Variants in NRG3 observed in about 807,000 individuals in gnomAD.
NRG3 encodes the protein neuregulin 3.
NRG3 carries 31 observed loss-of-function variants against 66.9 expected under a neutral mutation model. The observed-to-expected ratio is 0.46, with a 90% CI of 0.35 to 0.63. The LOEUF (loss-of-function observed/expected upper bound fraction) is 0.63. Ranked by LOEUF, NRG3 falls within the 20% of genes least tolerant of loss-of-function variation. The pLI is 0.00. For synonymous variants in NRG3, 393 were observed against 359.4 expected (o/e 1.09, Z -1.06); for missense variants, 910 against 878.9 (o/e 1.04, Z -0.45).
At chr10:82,416,177 T>A (rs2088556080) in intron 2 of NRG3, among the ~76,000 whole-genome samples, 1 of 152,314 alleles carries the variant, frequency 6.6e-6, no homozygotes, top group South Asian at 2.1e-4. Context: ...CTGTAAAACA[T>A]ACCTTTCAAG....
chr10:81,964,982 C>A (rs987290913), intron 1 of NRG3, among the ~76,000 whole-genome samples: 1 of 151,974 alleles, frequency 6.6e-6, no homozygotes, highest in Non-Finnish European at 1.5e-5. Flanking sequence ...ATTCTTGGGC[C>A]CAAACATATT....
intron 6 of NRG3, among the ~76,000 whole-genome samples, chr10:82,966,152 C>A (rs1851188666): frequency 6.6e-6 from 1 of 152,130 alleles, no homozygotes; most frequent in Non-Finnish European, 1.5e-5. Flanking sequence ...GCATTATTAT[C>A]CATAAAATCC....
At chr10:82,375,304 G>A (rs1340683344) in intron 2 of NRG3, among the ~76,000 whole-genome samples, 3 of 152,096 alleles carry the variant, frequency 2.0e-5, no homozygotes, top group Non-Finnish European at 2.9e-5. Context: ...TTGGGAGGCC[G>A]AGGCGGGCGG....
intron 2 of NRG3, among the ~76,000 whole-genome samples, chr10:82,427,630 A>T (rs1180846649): frequency 6.6e-6 from 1 of 152,112 alleles, no homozygotes; most frequent in East Asian, 1.9e-4. Context: ...TTCAGAAGGA[A>T]TATTGGTTCG....
At chr10:82,241,208 A>T (rs1054863435) in intron 1 of NRG3, among the ~76,000 whole-genome samples, 1 of 152,192 alleles carries the variant, frequency 6.6e-6, no homozygotes, top group African/African-American at 2.4e-5. Context: ...TAAAATGTAT[A>T]AAAATATCCC....
intron 2 of NRG3, among the ~76,000 whole-genome samples, chr10:82,641,887 G>A (rs1446817172): frequency 1.3e-5 from 2 of 152,048 alleles, no homozygotes; most frequent in Non-Finnish European, 1.5e-5. Flanking sequence ...TTGTTACATG[G>A]ATAGATCATG....
At chr10:82,144,890 A>G (rs2070131236) in intron 1 of NRG3, among the ~76,000 whole-genome samples, 1 of 152,238 alleles carries the variant, frequency 6.6e-6, no homozygotes, top group South Asian at 2.1e-4. Flanking sequence ...AAGCTGGCTT[A>G]TGATAAATGC....
intron 4 of NRG3, among the ~76,000 whole-genome samples, chr10:82,949,082 G>C (rs936496914): frequency 3.3e-5 from 5 of 151,982 alleles, no homozygotes; most frequent in African/African-American, 1.2e-4. Context: ...TCTAGGTTTT[G>C]AGAGTTTTAA....
intron 1 of NRG3, among the ~76,000 whole-genome samples, chr10:82,189,656 G>A (rs948754576): frequency 9.9e-5 from 15 of 152,062 alleles, no homozygotes; most frequent in African/African-American, 9.7e-5. Flanking sequence ...CAGGTGTGGC[G>A]GCATGCTCTT....
At chr10:82,518,819 C>A (rs1845932634) in intron 2 of NRG3, among the ~76,000 whole-genome samples, 1 of 152,018 alleles carries the variant, frequency 6.6e-6, no homozygotes, top group South Asian at 2.1e-4. Flanking sequence ...CAAAAAATCC[C>A]ATTGTGAGGT....
intron 1 of NRG3, among the ~76,000 whole-genome samples, chr10:82,016,314 T>G (rs763386768): frequency 1.3e-5 from 2 of 151,976 alleles, no homozygotes; most frequent in Non-Finnish European, 2.9e-5. Flanking sequence ...AAAGTGACAT[T>G]TGAGTCTAGA....
intron 3 of NRG3, chr10:82,827,217 A>G (rs2062270295): frequency 2.7e-6 from 1 of 372,048 alleles, no homozygotes; most frequent in East Asian, 8.1e-5. Flanking sequence ...AAAAAAAAAA[A>G]AAAAAAAAAA....
At chr10:82,124,957 C>T (rs1171122443) in intron 1 of NRG3, among the ~76,000 whole-genome samples, 1 of 151,886 alleles carries the variant, frequency 6.6e-6, no homozygotes, top group African/African-American at 2.4e-5. Flanking sequence ...GAAATGACAT[C>T]AAAATGCAAT....
chr10:82,387,612 A>G (rs535996189), intron 2 of NRG3, among the ~76,000 whole-genome samples: 1 of 152,354 alleles, frequency 6.6e-6, no homozygotes, highest in East Asian at 1.9e-4. Flanking sequence ...GTTAGCATGC[A>G]AATTAGCTGT....
At chr10:82,495,811 G>GACACACACACACACACACACAC (rs55671097) in intron 2 of NRG3, among the ~76,000 whole-genome samples, 29 of 144,790 alleles carry the variant, frequency 2.0e-4, no homozygotes, top group Non-Finnish European at 3.3e-4. Flanking sequence ...TTAGAGTGCA[G>GACACACACACACACACACACAC]ACACACACAC....
intron 4 of NRG3, among the ~76,000 whole-genome samples, chr10:82,904,003 A>G (rs1446427177): frequency 6.6e-6 from 1 of 152,108 alleles, no homozygotes; most frequent in African/African-American, 2.4e-5. Flanking sequence ...TTGGCATTCA[A>G]TCGTGTCACT....
chr10:82,119,415 C>T (rs1483295932), intron 1 of NRG3, among the ~76,000 whole-genome samples: 1 of 152,066 alleles, frequency 6.6e-6, no homozygotes. Flanking sequence ...GTTTTATCTG[C>T]CTTGCTCATT....
At chr10:82,863,462 T>C (rs1002448915) in intron 3 of NRG3, among the ~76,000 whole-genome samples, 10 of 152,174 alleles carry the variant, frequency 6.6e-5, no homozygotes, top group African/African-American at 1.9e-4. Flanking sequence ...GTTGAACTAA[T>C]TACACTCCCA....
chr10:82,418,984 G>C (rs1197636319), intron 2 of NRG3, among the ~76,000 whole-genome samples: 1 of 152,000 alleles, frequency 6.6e-6, no homozygotes, highest in Non-Finnish European at 1.5e-5. Flanking sequence ...TGTAATAAAT[G>C]GTTTCTGAAA....
Sources: allele counts gnomAD v4.1 joint callset (sites outside exome capture counted in the v4.1 genomes callset), GRCh38; gene constraint gnomAD v4.1.1; transcripts MANE v1.5; gene names NCBI Gene and HGNC (gene_info 2026-07-23, HGNC 2026-07-21).